Variants in IMMP2L observed in about 807,000 individuals in gnomAD.
IMMP2L encodes the protein mitochondrial inner membrane protease subunit 2.
IMMP2L carries 18 observed loss-of-function variants against 19.3 expected under a neutral mutation model. The observed-to-expected ratio is 0.93, with a 90% CI of 0.64 to 1.38. IMMP2L has a LOEUF of 1.38. Ranked by LOEUF, IMMP2L falls within the 40% of genes most tolerant of loss-of-function variation. The pLI, the probability that IMMP2L is intolerant of heterozygous loss-of-function variation, is 0.00. For missense variants in IMMP2L, 233 were observed against 218.2 expected, an observed-to-expected ratio of 1.07 and a Z score of -0.43; for synonymous variants, 76 against 73.0, an observed-to-expected ratio of 1.04 and a Z score of -0.21.
chr7:111,514,351 G>A (rs1440867277), intron 2 of IMMP2L, among the ~76,000 whole-genome samples: 2 of 151,854 alleles, frequency 1.3e-5, no homozygotes, highest in Admixed American at 6.6e-5. Context: ...GGGCAACATC[G>A]CACACCGGGG....
At chr7:110,765,510 G>T (rs948054377) in intron 5 of IMMP2L, among the ~76,000 whole-genome samples, 1 of 151,706 alleles carries the variant, frequency 6.6e-6, no homozygotes. Context: ...TTTTTTCTTC[G>T]ATATGACATT....
intron 3 of IMMP2L, among the ~76,000 whole-genome samples, chr7:111,063,629 AC>A (rs1204470240): frequency 6.6e-6 from 1 of 152,182 alleles, no homozygotes; most frequent in Non-Finnish European, 1.5e-5. Flanking sequence ...CTTTAACAGC[AC>A]CCAAATCATC....
At chr7:111,136,657 G>C (rs1802375867) in intron 3 of IMMP2L, among the ~76,000 whole-genome samples, 2 of 152,090 alleles carry the variant, frequency 1.3e-5, no homozygotes, top group Non-Finnish European at 2.9e-5. Context: ...CTAATCTCTG[G>C]AGTAGTATTA....
chr7:111,303,586 C>G lies in IMMP2L; in HGVS notation c.239+183652G>C, dbSNP rs543203961. ...TCCTTTCATATTTGTGAAGAAATAA[C>G]TTAAGGTTGATTCTCCCATTCTTTA... On this transcript the variant is annotated intron_variant, in intron 3 of 5. Coordinates refer to ENST00000405709, the MANE Select transcript of IMMP2L (RefSeq NM_032549.4). 2.6e-5 allele frequency among the ~76,000 whole-genome samples: 4 copies of G among 152,134 alleles called. No individual in the cohort carries two copies. In the South Asian group the frequency reaches 8.3e-4, roughly 32 times the overall value.
intron 3 of IMMP2L, among the ~76,000 whole-genome samples, chr7:111,415,095 A>T (rs965908935): frequency 6.6e-6 from 1 of 151,892 alleles, no homozygotes; most frequent in African/African-American, 2.4e-5. Flanking sequence ...AGTCCTTAAA[A>T]GGGAGTGGGT....
At chr7:111,340,383 G>A (rs1826890883) in intron 3 of IMMP2L, among the ~76,000 whole-genome samples, 1 of 151,964 alleles carries the variant, frequency 6.6e-6, no homozygotes, top group African/African-American at 2.4e-5. Flanking sequence ...TATTCTAGTT[G>A]TTCTTAAAAA....
intron 4 of IMMP2L, among the ~76,000 whole-genome samples, chr7:110,954,762 A>G (rs2129554593): frequency 6.6e-6 from 1 of 152,228 alleles, no homozygotes; most frequent in South Asian, 2.1e-4. Context: ...CAAATAAATA[A>G]ACATGCAAGA....
chr7:111,111,847 G>GA (rs1407547374), intron 3 of IMMP2L, among the ~76,000 whole-genome samples: 2 of 135,870 alleles, frequency 1.5e-5, no homozygotes, highest in Non-Finnish European at 3.2e-5. Flanking sequence ...CTCTGAAAAA[G>GA]AAAAAATACA....
chr7:110,733,431 T>C (rs543966593), intron 5 of IMMP2L, among the ~76,000 whole-genome samples: 163 of 151,634 alleles, frequency 1.1e-3, no homozygotes, highest in African/African-American at 3.5e-3. Context: ...AACACTCTAC[T>C]TCACTGACAA....
At chr7:111,405,373 C>T (rs1237542629) in intron 3 of IMMP2L, among the ~76,000 whole-genome samples, 1 of 151,562 alleles carries the variant, frequency 6.6e-6, no homozygotes, top group Non-Finnish European at 1.5e-5. Context: ...ACAAATAACC[C>T]CACACATTAT....
At chr7:111,318,309 C>T (rs971510636) in intron 3 of IMMP2L, among the ~76,000 whole-genome samples, 1 of 152,058 alleles carries the variant, frequency 6.6e-6, no homozygotes, top group African/African-American at 2.4e-5. Flanking sequence ...CAATGGAGAA[C>T]TCAGGTTCCT....
At chr7:111,107,514 T>C (rs1367616752) in intron 3 of IMMP2L, among the ~76,000 whole-genome samples, 4 of 152,094 alleles carry the variant, frequency 2.6e-5, no homozygotes, top group Non-Finnish European at 5.9e-5. Context: ...TATAAGCATG[T>C]TGAAGAAGGG....
chr7:110,925,818 T>C (rs1814788204), intron 4 of IMMP2L, among the ~76,000 whole-genome samples: 1 of 151,862 alleles, frequency 6.6e-6, no homozygotes, highest in African/African-American at 2.4e-5. Context: ...AAAATATTAA[T>C]GAAGAGAATA....
intron 5 of IMMP2L, among the ~76,000 whole-genome samples, chr7:110,783,524 A>T (rs1799878710): frequency 6.6e-6 from 1 of 151,900 alleles, no homozygotes; most frequent in South Asian, 2.1e-4. Flanking sequence ...AACTGAAAAA[A>T]TTTAAACAGT....
intron 4 of IMMP2L, among the ~76,000 whole-genome samples, chr7:110,923,680 A>G (rs562936704): frequency 9.9e-5 from 15 of 152,118 alleles, no homozygotes; most frequent in Non-Finnish European, 1.6e-4. Flanking sequence ...ATACACAAAT[A>G]TTTTGGTCAC....
intron 5 of IMMP2L, among the ~76,000 whole-genome samples, chr7:110,678,969 T>C (rs1792510372): frequency 6.6e-6 from 1 of 152,124 alleles, no homozygotes; most frequent in Admixed American, 6.5e-5. Flanking sequence ...TTTCCTTCAT[T>C]ACCAACAATT....
At chr7:110,954,556 C>A (rs1818175063) in intron 4 of IMMP2L, among the ~76,000 whole-genome samples, 1 of 151,978 alleles carries the variant, frequency 6.6e-6, no homozygotes, top group African/African-American at 2.4e-5. Flanking sequence ...CAAATTATAT[C>A]CATTATTTCA....
rs141231832 is a variant in IMMP2L at position 111,083,680 on chromosome 7, C to T, written c.240-120115G>A. Among the ~76,000 whole-genome samples, 695 of 152,300 alleles carry T rather than the reference C, an allele frequency of 4.6e-3. 4 individuals carry two copies. Among genetic ancestry groups the T allele is most frequent in the African/African-American group, 0.016 (665 of 41,558 alleles). On this transcript the variant is annotated intron_variant, in intron 3 of 5. Transcript: ENST00000405709. ...TCCTCTTCTGTGAAAAGGGGAAAGT[C>T]CCTGACTGCCTCACGGTACTGTAAG... is the stretch of plus-strand genomic sequence containing the variant.
intron 5 of IMMP2L, among the ~76,000 whole-genome samples, chr7:110,745,776 A>G (rs10227036): frequency 0.63 from 96,373 of 152,046 alleles, 30,602 homozygotes; most frequent in East Asian, 0.81. Context: ...AGGAACAACC[A>G]GCACCAGCCA....
Sources: gnomAD v4.1 joint callset for allele counts (sites outside exome capture counted in the v4.1 genomes callset) on GRCh38, gnomAD v4.1.1 for gene constraint, MANE v1.5 for transcripts, NCBI Gene and HGNC (gene_info 2026-07-23, HGNC 2026-07-21) for gene names.